Variants in FSTL5 observed in about 807,000 individuals in gnomAD.
FSTL5 encodes the protein follistatin-related protein 5.
FSTL5 carries 62 observed loss-of-function variants against 89.1 expected under a neutral mutation model. That is an observed-to-expected ratio of 0.70 (90% CI 0.57 to 0.86). The LOEUF (loss-of-function observed/expected upper bound fraction) is 0.86. Ranked by LOEUF, FSTL5 falls within the 40% of genes least tolerant of loss-of-function variation. The pLI is 0.00. For missense variants in FSTL5, 1,057 were observed against 1,001.6 expected (o/e 1.06, Z -0.75); for synonymous variants, 383 against 346.2 (o/e 1.11, Z -1.18).
intron 8 of FSTL5, among the ~76,000 whole-genome samples, chr4:161,570,254 G>A (rs1332184916): frequency 6.6e-6 from 1 of 151,984 alleles, no homozygotes; most frequent in African/African-American, 2.4e-5. Context: ...AGTGTAGTCT[G>A]GGTAAGCTTC....
chr4:161,947,142 ATG>A (rs70937698), intron 3 of FSTL5, among the ~76,000 whole-genome samples: 177 of 148,502 alleles, frequency 1.2e-3, no homozygotes, highest in African/African-American at 3.4e-3. Context: ...GTGTGTGTGT[ATG>A]TGTGTGTGTG....
At chr4:161,592,155 G>C (rs533539208) in intron 7 of FSTL5, among the ~76,000 whole-genome samples, 17 of 152,288 alleles carry the variant, frequency 1.1e-4, no homozygotes, top group Non-Finnish European at 1.5e-4. Flanking sequence ...TAGATCCACT[G>C]AAGTTTGAGT....
intron 6 of FSTL5, among the ~76,000 whole-genome samples, chr4:161,713,726 G>A (rs1738878992): frequency 6.6e-6 from 1 of 151,904 alleles, no homozygotes; most frequent in Non-Finnish European, 1.5e-5. Context: ...TCTATATGGT[G>A]TTTTATAATT....
At chr4:162,007,172 T>C (rs1337578087) in intron 3 of FSTL5, among the ~76,000 whole-genome samples, 1 of 151,894 alleles carries the variant, frequency 6.6e-6, no homozygotes, top group Non-Finnish European at 1.5e-5. Context: ...TAAAATGACA[T>C]AAAGCGAATT....
chr4:162,126,736 G>A (rs142970591), intron 1 of FSTL5, among the ~76,000 whole-genome samples: 1 of 151,692 alleles, frequency 6.6e-6, no homozygotes, highest in African/African-American at 2.4e-5. Context: ...TGTGATTTTT[G>A]GGCATTATGC....
At chr4:161,975,509 A>T (rs1735609224) in intron 3 of FSTL5, among the ~76,000 whole-genome samples, 1 of 148,996 alleles carries the variant, frequency 6.7e-6, no homozygotes, top group Admixed American at 6.7e-5. Flanking sequence ...AAGAACAAAA[A>T]ACCAAACACC....
chr4:161,709,271 A>G (rs1022182473), intron 6 of FSTL5, among the ~76,000 whole-genome samples: 2 of 152,188 alleles, frequency 1.3e-5, no homozygotes, highest in Non-Finnish European at 2.9e-5. Context: ...AAAATTCAAT[A>G]TTGATACATA....
chr4:162,007,693 C>A (rs752564800), intron 3 of FSTL5, among the ~76,000 whole-genome samples: 1 of 151,602 alleles, frequency 6.6e-6, no homozygotes, highest in Admixed American at 6.6e-5. Context: ...GACTCTCTGC[C>A]GTGTAATAGG....
At chr4:161,859,771 C>A (rs1434677157) in intron 4 of FSTL5, among the ~76,000 whole-genome samples, 1 of 152,014 alleles carries the variant, frequency 6.6e-6, no homozygotes, top group African/African-American at 2.4e-5. Context: ...TTGAATACCA[C>A]GGATTAAGTG....
intron 13 of FSTL5, among the ~76,000 whole-genome samples, chr4:161,466,116 G>A (rs1469907954): frequency 6.6e-6 from 1 of 152,084 alleles, no homozygotes; most frequent in Non-Finnish European, 1.5e-5. Context: ...GTGATTTGTT[G>A]TAGCTTTATA....
chr4:161,441,114 G>T (rs1388021855), intron 15 of FSTL5, among the ~76,000 whole-genome samples: 2 of 151,858 alleles, frequency 1.3e-5, no homozygotes, highest in African/African-American at 4.8e-5. Context: ...AATATTTCTG[G>T]TAAGATATAA....
intron 6 of FSTL5, among the ~76,000 whole-genome samples, chr4:161,732,665 T>C (rs1412638028): frequency 6.6e-6 from 1 of 152,042 alleles, no homozygotes; most frequent in Admixed American, 6.6e-5. Flanking sequence ...GACTTACTTT[T>C]AGTTTATGAT....
chr4:161,590,863 C>T (rs1733792130), intron 7 of FSTL5, among the ~76,000 whole-genome samples: 1 of 152,158 alleles, frequency 6.6e-6, no homozygotes, highest in Non-Finnish European at 1.5e-5. Context: ...AACTAAGTTA[C>T]TTAGGACTAG....
At chr4:161,515,012 T>C (rs1730768028) in intron 10 of FSTL5, among the ~76,000 whole-genome samples, 2 of 152,096 alleles carry the variant, frequency 1.3e-5, no homozygotes, top group Admixed American at 6.6e-5. Flanking sequence ...ATATAAACTA[T>C]TCCTAGATGA....
rs1733982629 is a variant in FSTL5 at position 161,472,495 on chromosome 4, C to T, written c.1608+8525G>A. Among the ~76,000 whole-genome samples, 2 of 151,504 alleles carry T rather than the reference C, an allele frequency of 1.3e-5. 1 individual carries two copies. Among genetic ancestry groups the T allele is most frequent in the South Asian group, 4.2e-4 (2 of 4,812 alleles). ...TGTAAGTATTTATCATTCTAAATTC[C>T]ACTCCCCTGGCATCCTTCAGCACTG... On this transcript the variant is annotated intron_variant, in intron 13 of 15. Coordinates refer to ENST00000306100, the MANE Select transcript of FSTL5 (RefSeq NM_020116.5).
intron 6 of FSTL5, among the ~76,000 whole-genome samples, chr4:161,755,960 C>T (rs550664268): frequency 1.8e-4 from 27 of 151,872 alleles, no homozygotes; most frequent in African/African-American, 3.6e-4. Flanking sequence ...ATAAAGAAAT[C>T]GATAAGTATT....
chr4:161,891,027 TC>T (rs1198762694), intron 4 of FSTL5, among the ~76,000 whole-genome samples: 1 of 152,162 alleles, frequency 6.6e-6, no homozygotes, highest in Non-Finnish European at 1.5e-5. Context: ...AACCCTATGT[TC>T]TTGTCAGTCA....
At chr4:161,530,956 T>G (rs1238661521) in intron 10 of FSTL5, among the ~76,000 whole-genome samples, 1 of 152,178 alleles carries the variant, frequency 6.6e-6, no homozygotes, top group Non-Finnish European at 1.5e-5. Flanking sequence ...GTGTTACCTC[T>G]ATCTAAATCC....
chr4:161,412,864 T>C (rs941726308), intron 15 of FSTL5, among the ~76,000 whole-genome samples: 1 of 152,198 alleles, frequency 6.6e-6, no homozygotes, highest in Non-Finnish European at 1.5e-5. Context: ...CTGCTAGCCA[T>C]CTGCAGAAGA....
Sources: gnomAD v4.1 joint callset for allele counts (sites outside exome capture counted in the v4.1 genomes callset) on GRCh38, gnomAD v4.1.1 for gene constraint, MANE v1.5 for transcripts, NCBI Gene and HGNC (gene_info 2026-07-23, HGNC 2026-07-21) for gene names.